PTCSC3: variants seen among roughly 807,000 people sequenced by gnomAD.
PTCSC3 encodes papillary thyroid carcinoma susceptibility candidate 3, also known as papillary thyroid carcinoma susceptibility candidate 3 (non-protein coding).
intron 3 of PTCSC3, among the ~76,000 whole-genome samples, chr14:36,142,537 A>G (rs1326032626): frequency 1.3e-5 from 2 of 152,232 alleles, no homozygotes; most frequent in African/African-American, 4.8e-5. Context: ...GTTTTCTGGA[A>G]GAGATTGTGA....
chr14:36,160,533 G>C (rs1251342732), intron 2 of PTCSC3, among the ~76,000 whole-genome samples: 2 of 151,870 alleles, frequency 1.3e-5, no homozygotes, highest in African/African-American at 2.4e-5. Context: ...ATTATTTTAA[G>C]AATGTTGAAT....
At chr14:36,169,890 C>T (rs1051267201) in intron 1 of PTCSC3, among the ~76,000 whole-genome samples, 14 of 152,010 alleles carry the variant, frequency 9.2e-5, no homozygotes, top group African/African-American at 2.9e-4. Flanking sequence ...CAAAGGAAAG[C>T]GGATGAATTA....
At chr14:36,136,697 T>C (rs1881295535) in intron 3 of PTCSC3, among the ~76,000 whole-genome samples, 1 of 152,220 alleles carries the variant, frequency 6.6e-6, no homozygotes, top group South Asian at 2.1e-4. Context: ...TACTTGTTAA[T>C]TGATGTTATG....
At chr14:36,141,683 T>C (rs545076487) in intron 3 of PTCSC3, among the ~76,000 whole-genome samples, 8 of 152,160 alleles carry the variant, frequency 5.3e-5, no homozygotes, top group South Asian at 2.1e-4. Context: ...TATATGTATA[T>C]AGTTTATCTA....
Position 36,136,478 on chromosome 14 carries a change from G to A in PTCSC3, n.323-122C>T, listed in dbSNP as rs545514069. 3 of 152,270 alleles carry A rather than the reference G, an allele frequency of 2.0e-5. No homozygotes were observed. The South Asian group carries it at 6.2e-4, about 32-fold the overall frequency. The allele number at this position is 152,270 out of a possible 1,614,324, so 9.4% of individuals were successfully genotyped here. ...ATTGCTTATCTAGGATTAATAAGAG[G>A]TAAGAGTAAGAAGATATGATTATGA... On this transcript the variant is annotated intron_variant and non_coding_transcript_variant, in intron 3 of 3. Coordinates refer to ENST00000556013, the Ensembl canonical transcript of PTCSC3.
chr14:36,157,942 GTTTGT>G (rs1451303713), intron 2 of PTCSC3, among the ~76,000 whole-genome samples: 1 of 152,130 alleles, frequency 6.6e-6, no homozygotes, highest in Non-Finnish European at 1.5e-5. Context: ...TTGAGCAGTG[GTTTGT>G]AGTTCTCCTT....
intron 1 of PTCSC3, among the ~76,000 whole-genome samples, chr14:36,164,895 A>G (rs1205227931): frequency 1.3e-5 from 2 of 152,238 alleles, no homozygotes; most frequent in Non-Finnish European, 2.9e-5. Context: ...TAACGGTGAT[A>G]TCTTTGTTAA....
chr14:36,154,288 A>T (rs1881784374), intron 2 of PTCSC3, among the ~76,000 whole-genome samples: 1 of 152,142 alleles, frequency 6.6e-6, no homozygotes, highest in Non-Finnish European at 1.5e-5. Flanking sequence ...ACTTTGTAAA[A>T]ATTAATGAAG....
At chr14:36,161,489 G>T (rs531372952) in intron 2 of PTCSC3, among the ~76,000 whole-genome samples, 16 of 152,308 alleles carry the variant, frequency 1.1e-4, no homozygotes, top group African/African-American at 3.6e-4. Context: ...CTCTGCTGCA[G>T]GTCTGCTGGA....
At chr14:36,135,068 C>A (rs543326946), downstream of PTCSC3, among the ~76,000 whole-genome samples, 1 of 152,272 alleles carries the variant, frequency 6.6e-6, no homozygotes, top group Admixed American at 6.5e-5. Flanking sequence ...GCTGTAGAAG[C>A]TAATGGCAGC....
chr14:36,169,053 A>G (rs1006230228), intron 1 of PTCSC3, among the ~76,000 whole-genome samples: 3 of 151,744 alleles, frequency 2.0e-5, no homozygotes, highest in Non-Finnish European at 2.9e-5. Context: ...GAGAAATTAT[A>G]GAGACATTAA....
chr14:36,137,754 G>A (rs776458494), intron 3 of PTCSC3, among the ~76,000 whole-genome samples: 12 of 152,168 alleles, frequency 7.9e-5, no homozygotes, highest in Non-Finnish European at 1.0e-4. Flanking sequence ...CTAACATGGT[G>A]AAGGCTGCAA....
At chr14:36,154,785 G>A (rs879653104) in intron 2 of PTCSC3, among the ~76,000 whole-genome samples, 4 of 152,118 alleles carry the variant, frequency 2.6e-5, no homozygotes, top group Non-Finnish European at 5.9e-5. Context: ...AACATGTTAG[G>A]ATTGGGTTCC....
chr14:36,148,080 G>A (rs1360900163), intron 3 of PTCSC3, among the ~76,000 whole-genome samples: 1 of 152,120 alleles, frequency 6.6e-6, no homozygotes, highest in Admixed American at 6.5e-5. Context: ...GTCAGACAGG[G>A]ACATTTAAGT....
intron 1 of PTCSC3, among the ~76,000 whole-genome samples, chr14:36,172,142 C>T (rs1882204331): frequency 6.6e-6 from 1 of 152,090 alleles, no homozygotes; most frequent in African/African-American, 2.4e-5. Context: ...TGCATTGTAG[C>T]TGGATTGCAA....
chr14:36,152,798 G>T (rs559494082), intron 3 of PTCSC3, among the ~76,000 whole-genome samples: 148 of 151,990 alleles, frequency 9.7e-4, no homozygotes, highest in African/African-American at 3.4e-3. Context: ...GGAGGCTGAG[G>T]CAGGAGAATT....
intron 3 of PTCSC3, among the ~76,000 whole-genome samples, chr14:36,138,844 C>T (rs1881348078): frequency 6.6e-6 from 1 of 152,068 alleles, no homozygotes; most frequent in African/African-American, 2.4e-5. Context: ...TGTGGCCGGG[C>T]GCGGGTGGCT....
At chr14:36,169,323 C>G (rs1465141703) in intron 1 of PTCSC3, among the ~76,000 whole-genome samples, 1 of 152,126 alleles carries the variant, frequency 6.6e-6, no homozygotes, top group Non-Finnish European at 1.5e-5. Context: ...ATGATACACT[C>G]TAAAAAACAT....
At chr14:36,154,083 A>G (rs1289085424) in intron 2 of PTCSC3, among the ~76,000 whole-genome samples, 7 of 149,620 alleles carry the variant, frequency 4.7e-5, no homozygotes, top group Admixed American at 4.0e-4. Context: ...AAAAAAAACT[A>G]CTGCTACAAT....
Sources: gnomAD v4.1 joint callset for allele counts (sites outside exome capture counted in the v4.1 genomes callset) on GRCh38, gnomAD v4.1.1 for gene constraint, MANE v1.5 for transcripts, NCBI Gene and HGNC (gene_info 2026-07-23, HGNC 2026-07-21) for gene names.